Variants in IFI44 observed in about 807,000 individuals in gnomAD.
IFI44 encodes interferon induced protein 44.
Under a neutral mutation model 45.0 loss-of-function variants are expected in IFI44, and 42 were observed. That is an observed-to-expected ratio of 0.93 (90% CI 0.73 to 1.21). IFI44 has a LOEUF of 1.21. IFI44 is among the 50% of genes most tolerant of loss of function. The pLI is 0.00. For missense variants in IFI44, 623 were observed against 525.8 expected (o/e 1.18, Z -1.81); for synonymous variants, 221 against 188.6 (o/e 1.17, Z -1.41).
intron 5 of IFI44, among the ~76,000 whole-genome samples, chr1:78,658,123 A>G (rs1557703798): frequency 6.6e-6 from 1 of 152,076 alleles, no homozygotes; most frequent in African/African-American, 2.4e-5. Flanking sequence ...CTTCTTATTC[A>G]AATTCAGTAC....
intron 7 of IFI44, among the ~76,000 whole-genome samples, chr1:78,662,333 G>A (rs887687039): frequency 1.1e-4 from 17 of 152,148 alleles, no homozygotes; most frequent in East Asian, 5.8e-4. Context: ...TCGAACCTAG[G>A]CAGTTTGATT....
At chr1:78,655,322 A>G in intron 4 of IFI44, 40 bp from the exon 5 acceptor site, 1 of 1,566,032 alleles carries the variant, frequency 6.4e-7, no homozygotes, top group Non-Finnish European at 8.6e-7. Context: ...AATTTATAAT[A>G]AAAAATGAAT....
chr1:78,652,234 A>C (rs1380645569), intron 2 of IFI44, among the ~76,000 whole-genome samples: 1 of 151,968 alleles, frequency 6.6e-6, no homozygotes, highest in African/African-American at 2.4e-5. Context: ...GGCGGACACC[A>C]CCATCCCCGG....
intron 5 of IFI44, among the ~76,000 whole-genome samples, chr1:78,658,337 C>A (rs1246336345): frequency 6.6e-6 from 1 of 151,992 alleles, no homozygotes; most frequent in East Asian, 1.9e-4. Flanking sequence ...CACTTAATAT[C>A]GTTTCATATA....
rs1647097225 is a variant in IFI44, at chr1:78,650,139, ATC to A, written c.-10-45_-10-44del. The A allele has an allele frequency of 3.8e-6, 5 of 1,328,038 alleles. No homozygotes were observed. The South Asian group carries it at 4.5e-5, about 12-fold the overall frequency. The allele number at this position is 1,328,038 out of a possible 1,614,324, so 82.3% of individuals were successfully genotyped here. On this transcript the variant is annotated intron_variant, in intron 1 of 8. Coordinates refer to ENST00000370747, the MANE Select transcript of IFI44 (RefSeq NM_006417.5). ...AATGCAAATTTTATAACTACATATTATCTGTTTTTTAATATTTAATGGAAAAT... is the reference window on the plus strand; with the variant it reads ...AATGCAAATTTTATAACTACATATTATGTTTTTTAATATTTAATGGAAAAT...
intron 3 of IFI44, among the ~76,000 whole-genome samples, chr1:78,654,709 C>G (rs1647180216): frequency 1.3e-5 from 2 of 151,858 alleles, no homozygotes; most frequent in South Asian, 4.2e-4. Context: ...ATATATATGA[C>G]TTCTGAAGTT....
At chr1:78,658,946 T>TCCTTG (rs993750645) in intron 5 of IFI44, among the ~76,000 whole-genome samples, 6 of 152,034 alleles carry the variant, frequency 3.9e-5, no homozygotes. Flanking sequence ...ACCCCTTCCC[T>TCCTTG]CCTTGCGCTC....
At chr1:78,657,463 C>T (rs1321696286) in intron 5 of IFI44, among the ~76,000 whole-genome samples, 1 of 152,038 alleles carries the variant, frequency 6.6e-6, no homozygotes, top group Non-Finnish European at 1.5e-5. Flanking sequence ...TTAGGTTCTA[C>T]TTCATAGATT....
intron 2 of IFI44, among the ~76,000 whole-genome samples, chr1:78,650,989 A>G (rs1340013233): frequency 6.6e-6 from 1 of 152,212 alleles, no homozygotes; most frequent in East Asian, 1.9e-4. Flanking sequence ...TAGAAGAAAG[A>G]CATTATTCAG....
chr1:78,653,402 T>G (rs567490002), intron 2 of IFI44, among the ~76,000 whole-genome samples: 59 of 152,322 alleles, frequency 3.9e-4, no homozygotes, highest in Non-Finnish European at 1.3e-4. Context: ...ACTTTGCTAG[T>G]CTTATTACAT....
At chr1:78,659,188 C>T (rs760578457) in intron 5 of IFI44, 124 bp from the exon 6 acceptor site, 32 of 721,474 alleles carry the variant, frequency 4.4e-5, no homozygotes, top group Admixed American at 3.3e-4. Context: ...AGATTGTTAG[C>T]CTCATACTAT....
At chr1:78,658,394 A>G (rs934459164) in intron 5 of IFI44, among the ~76,000 whole-genome samples, 1 of 152,172 alleles carries the variant, frequency 6.6e-6, no homozygotes, top group Non-Finnish European at 1.5e-5. Flanking sequence ...GCATATTTTT[A>G]TAGTGTGTTT....
chr1:78,650,255 A>T lies in IFI44; in HGVS notation c.60A>T (p.Gly20=). Reference sequence around the variant, plus strand: ...AAAAGATCCTGCAAAATCATTTTGGAGGGAAGCGGCTTAGCCTTCTCTATA... The same window carrying T: ...AAAAGATCCTGCAAAATCATTTTGGTGGGAAGCGGCTTAGCCTTCTCTATA... ...LHEKILQNHF[G]GKRLSLLYKG... The change falls in exon 2 of 9, where the codon GGA becomes GGT. Residue 20 remains glycine (G), a synonymous_variant. Transcript: ENST00000370747. 3 of 1,611,962 alleles carry T rather than the reference A, an allele frequency of 1.9e-6. No homozygotes were observed. Among genetic ancestry groups the T allele is most frequent in the Non-Finnish European group, 8.5e-7 (1 of 1,178,234 alleles).
intron 5 of IFI44, 63 bp downstream of exon 5, chr1:78,655,574 A>T: frequency 7.4e-7 from 1 of 1,352,032 alleles, no homozygotes; most frequent in Non-Finnish European, 1.0e-6. Flanking sequence ...GTACAAATGT[A>T]TCAGCGTTTA....
At chr1:78,660,375 T>G (rs1647377789) in intron 6 of IFI44, among the ~76,000 whole-genome samples, 179 bp from the exon 7 acceptor site, 2 of 152,136 alleles carry the variant, frequency 1.3e-5, no homozygotes, top group Admixed American at 6.5e-5. Context: ...GTCAGAGAAA[T>G]TCCAGATACT....
chr1:78,654,976 A>T (rs748816899), intron 3 of IFI44, 38 bp from the exon 4 acceptor site: 1 of 1,450,456 alleles, frequency 6.9e-7, no homozygotes, highest in South Asian at 1.5e-5. Context: ...TTGCGACCTA[A>T]CCTCAGTCAA....
intron 7 of IFI44, among the ~76,000 whole-genome samples, chr1:78,662,087 C>T (rs1255613246): frequency 6.6e-6 from 1 of 152,082 alleles, no homozygotes; most frequent in African/African-American, 2.4e-5. Context: ...GCACTGTGTA[C>T]AGAATAGATT....
In IFI44 at chr1:78,662,729, G is replaced by A. The variant is rs1424702432; in HGVS notation, c.1139G>A (p.Gly380Glu). 7.4e-6 allele frequency: 12 copies of A among 1,613,072 alleles called. No individual in the cohort carries two copies. Among genetic ancestry groups the A allele is most frequent in the African/African-American group, 1.3e-5 (1 of 74,754 alleles). Residue 380 changes from glycine to glutamate, a missense_variant, in exon 8 of 9, where the codon GGA becomes GAA. By Grantham distance (98) the Gly-to-Glu change is moderately conservative. Transcript: ENST00000370747. ...CTAGAGGAAGTCCAAAGAAAACTTG[G>A]ATTTGCTCTTTCTGACATCTCGGTG... is the stretch of plus-strand genomic sequence containing the variant. ...SKLEEVQRKL[G>E]FALSDISVVS...
intron 2 of IFI44, among the ~76,000 whole-genome samples, chr1:78,651,810 C>G (rs1647128806): frequency 6.6e-6 from 1 of 152,056 alleles, no homozygotes; most frequent in South Asian, 2.1e-4. Flanking sequence ...CCTTTTGTGT[C>G]TGGCTTATTT....
Sources: gnomAD v4.1 joint callset for allele counts (sites outside exome capture counted in the v4.1 genomes callset) on GRCh38, gnomAD v4.1.1 for gene constraint, MANE v1.5 for transcripts, NCBI Gene and HGNC (gene_info 2026-07-23, HGNC 2026-07-21) for gene names.